SPAST: variants seen among roughly 807,000 people sequenced by gnomAD.
SPAST encodes the protein spastin, also known as spastic paraplegia 4 (autosomal dominant; spastin).
A neutral mutation model predicts 76.6 loss-of-function variants in SPAST; 30 were observed. That is an observed-to-expected ratio of 0.39 (90% CI 0.29 to 0.53). The LOEUF (loss-of-function observed/expected upper bound fraction) is 0.53, where lower values mean the gene tolerates loss of function less well. Among genes scored for constraint, SPAST ranks in the 20% least tolerant of loss-of-function variants. SPAST has a pLI of 0.68. For missense variants in SPAST, 717 were observed against 770.5 expected, an observed-to-expected ratio of 0.93 and a Z score of 0.82; for synonymous variants, 305 against 281.0, an observed-to-expected ratio of 1.09 and a Z score of -0.86.
At position 32,064,126 on chromosome 2, in the gene SPAST, C is replaced by A; in HGVS notation, c.295C>A (p.Pro99Thr). ...AKRSSGAAPA[P>T]ASASAPAPVP... is the part of the protein sequence containing the mutation. ...GAGGAGCTCCGGGGCCGCGCCAGCA[C>A]CTGCCTCGGCCTCGGCCCCGGCGCC... is the stretch of plus-strand genomic sequence containing the variant. Residue 99 changes from proline (P) to threonine (T), a missense_variant, in exon 1 of 17, where the codon CCT becomes ACT. Physicochemically the swap from Pro to Thr is conservative, Grantham distance 38. Coordinates refer to ENST00000315285, the MANE Select transcript of SPAST (RefSeq NM_014946.4). The A allele has an allele frequency of 6.3e-7, 1 of 1,583,972 alleles. No individual in the cohort carries two copies. The highest frequency in any genetic ancestry group is 8.6e-7 in the Non-Finnish European group (1 of 1,165,558).
At chr2:32,116,387 A>G (rs553967490) in intron 7 of SPAST, among the ~76,000 whole-genome samples, 175 bp downstream of exon 7, 2 of 152,360 alleles carry the variant, frequency 1.3e-5, no homozygotes, top group South Asian at 4.1e-4. Flanking sequence ...AGAAGTTATT[A>G]TAGAATAGGA....
At chr2:32,114,455 A>G (rs920968502) in intron 4 of SPAST, among the ~76,000 whole-genome samples, 183 bp from the exon 5 acceptor site, 4 of 152,162 alleles carry the variant, frequency 2.6e-5, no homozygotes, top group Non-Finnish European at 5.9e-5. Flanking sequence ...CCTAATAACC[A>G]TATTCCTATC....
intron 4 of SPAST, among the ~76,000 whole-genome samples, chr2:32,101,467 T>G (rs1678122873): frequency 6.6e-6 from 1 of 152,230 alleles, no homozygotes; most frequent in African/African-American, 2.4e-5. Flanking sequence ...TTTAGTTTAA[T>G]TAGATCCCAT....
chr2:32,108,039 C>T (rs1420521638), intron 4 of SPAST, among the ~76,000 whole-genome samples: 1 of 151,948 alleles, frequency 6.6e-6, no homozygotes, highest in African/African-American at 2.4e-5. Flanking sequence ...AAGTATAACC[C>T]TTACTCAAGA....
intron 3 of SPAST, among the ~76,000 whole-genome samples, chr2:32,095,168 G>T (rs1677871513): frequency 6.6e-6 from 1 of 152,166 alleles, no homozygotes; most frequent in South Asian, 2.1e-4. Flanking sequence ...GTAACAAGTG[G>T]TTGGATTATG....
At position 32,136,580 on chromosome 2, in the gene SPAST, A is replaced by G. The variant is rs1261762432; in HGVS notation, c.1263A>G (p.Lys421=). The G allele has an allele frequency of 1.9e-6, 3 of 1,613,338 alleles. No homozygotes were observed. In the South Asian group the frequency reaches 3.3e-5, roughly 18 times the overall value. Residue 421 remains lysine, a synonymous_variant, in exon 10 of 17, where the codon AAA becomes AAG. Transcript: ENST00000315285. ...TGTTTTAGGTGGGAGAAGGAGAGAAATTGGTGAGGGCTCTTTTTGCTGTGG... is the reference window on the plus strand; with the variant it reads ...TGTTTTAGGTGGGAGAAGGAGAGAAGTTGGTGAGGGCTCTTTTTGCTGTGG... ...LTSKYVGEGE[K]LVRALFAVAR... is the part of the protein sequence containing the mutation.
At chr2:32,127,770 C>T (rs1039972664) in intron 8 of SPAST, 1 of 151,564 alleles carries the variant, frequency 6.6e-6, no homozygotes, top group Non-Finnish European at 1.5e-5. Context: ...AGTAACTTTT[C>T]CTTAGATGTT....
rs372293791 is a variant in SPAST, at chr2:32,073,238, G to C, written c.415+8992G>C. On this transcript the variant is annotated intron_variant, in intron 1 of 16. Coordinates refer to ENST00000315285, the MANE Select transcript of SPAST (RefSeq NM_014946.4). ...AGTAGTGATGGCGTTTCGCTGTGTT[G>C]GCCAGGTTGGTCTCGAACTCCTGGC... 2.6e-5 allele frequency among the ~76,000 whole-genome samples: 4 copies of C among 152,102 alleles called. No individual in the cohort carries two copies. In the East Asian group the frequency reaches 5.8e-4, roughly 22 times the overall value.
chr2:32,075,464 G>C (rs1573046905), intron 1 of SPAST, among the ~76,000 whole-genome samples: 1 of 124,750 alleles, frequency 8.0e-6, no homozygotes, highest in Non-Finnish European at 1.7e-5. Context: ...AAAAATATTT[G>C]TGTTAATTGT....
Position 32,098,006 on chromosome 2 carries a change from T to C in SPAST, c.587-790T>C, listed in dbSNP as rs553000101. ...AGCCACTGCGCCTGGCTGTCCTTTCTTTTAATCTTTTCAAATTCTAGCCAG... is the reference window on the plus strand; with the variant it reads ...AGCCACTGCGCCTGGCTGTCCTTTCCTTTAATCTTTTCAAATTCTAGCCAG... On this transcript the variant is annotated intron_variant, in intron 3 of 16. Transcript: ENST00000315285. 1.0e-3 allele frequency among the ~76,000 whole-genome samples: 155 copies of C among 152,214 alleles called. 1 individual carries two copies. The highest frequency in any genetic ancestry group is 3.2e-3 in the African/African-American group (133 of 41,576).
At chr2:32,128,275 A>G (rs1037900238) in intron 8 of SPAST, 133 bp from the exon 9 acceptor site, 10 of 698,588 alleles carry the variant, frequency 1.4e-5, no homozygotes, top group East Asian at 2.8e-5. Context: ...GATTACAGGC[A>G]TGAGCCACCA....
At position 32,154,835 on chromosome 2, in the gene SPAST, A is replaced by G. The variant is rs911442534; in HGVS notation, c.*339A>G. Reference sequence around the variant, plus strand: ...ATTGTGTTGCAGATGAAAGTATTCCAGGAACAGTGAATGGTAGAAGACACA... The same window carrying G: ...ATTGTGTTGCAGATGAAAGTATTCCGGGAACAGTGAATGGTAGAAGACACA... On this transcript the variant is annotated 3_prime_UTR_variant, in exon 17 of 17. Coordinates refer to ENST00000315285, the MANE Select transcript of SPAST (RefSeq NM_014946.4). 1.2e-5 allele frequency: 3 copies of G among 252,562 alleles called. No homozygotes were observed. The highest frequency in any genetic ancestry group is 6.8e-5 in the African/African-American group (3 of 44,002). 15.6% of individuals were successfully genotyped at this position (252,562 alleles called of 1,614,324 possible). A position where few individuals can be genotyped will look rare whatever the true frequency, so the allele number is the denominator to read the frequency against.
At chr2:32,147,332 G>GTCTTATATA in intron 16 of SPAST, 74 bp downstream of exon 16, 1 of 473,128 alleles carries the variant, frequency 2.1e-6, no homozygotes, top group Non-Finnish European at 3.6e-6. Flanking sequence ...ATATATGAAT[G>GTCTTATATA]TGTGTGTGTG....
chr2:32,074,945 T>C (rs1676894390), intron 1 of SPAST, among the ~76,000 whole-genome samples: 1 of 152,188 alleles, frequency 6.6e-6, no homozygotes, highest in Non-Finnish European at 1.5e-5. Context: ...TTTTAAATGC[T>C]TAGTGCTTGC....
At chr2:32,141,135 C>T (rs1679707748) in intron 12 of SPAST, among the ~76,000 whole-genome samples, 1 of 151,848 alleles carries the variant, frequency 6.6e-6, no homozygotes, top group Admixed American at 6.6e-5. Context: ...ACAGTGAAGC[C>T]CTACCTAATA....
At chr2:32,151,625 C>A (rs567873962) in intron 16 of SPAST, among the ~76,000 whole-genome samples, 1 of 152,126 alleles carries the variant, frequency 6.6e-6, no homozygotes, top group South Asian at 2.1e-4. Context: ...GAAAACCCAA[C>A]TTGGTCGCAC....
chr2:32,147,332 G>A (rs926547662), intron 16 of SPAST, 74 bp downstream of exon 16: 3 of 473,106 alleles, frequency 6.3e-6, no homozygotes, highest in Non-Finnish European at 1.1e-5. Context: ...ATATATGAAT[G>A]TGTGTGTGTG....
At chr2:32,068,705 T>C (rs761715800) in intron 1 of SPAST, among the ~76,000 whole-genome samples, 1 of 152,106 alleles carries the variant, frequency 6.6e-6, no homozygotes, top group Non-Finnish European at 1.5e-5. Flanking sequence ...TGAAACGGAT[T>C]ACTTAAAGAT....
Position 32,083,734 on chromosome 2 carries a change from TA to T in SPAST, c.416-3757del, listed in dbSNP as rs1462591199. Among the ~76,000 whole-genome samples, 25 of 73,652 alleles carry T rather than the reference TA, an allele frequency of 3.4e-4. 2 individuals carry two copies. The highest frequency in any genetic ancestry group is 5.9e-4 in the Non-Finnish European group (23 of 39,114). The allele number at this position is 73,652 out of a possible 152,430, so 48.3% of individuals were successfully genotyped here. A position where few individuals can be genotyped will look rare whatever the true frequency, so the allele number is the denominator to read the frequency against. On this transcript the variant is annotated intron_variant, in intron 1 of 16. Coordinates refer to ENST00000315285, the MANE Select transcript of SPAST (RefSeq NM_014946.4). ...ATACTATATATATTTATATATACTA[TA>T]TATATTTATATATACTATATATATA...
Sources: allele counts gnomAD v4.1 joint callset (sites outside exome capture counted in the v4.1 genomes callset), GRCh38; gene constraint gnomAD v4.1.1; transcripts MANE v1.5; gene names NCBI Gene and HGNC (gene_info 2026-07-23, HGNC 2026-07-21).